FMN2: variants seen among roughly 807,000 people sequenced by gnomAD.
The protein encoded by FMN2 is formin-2.
Under a neutral mutation model 142.3 loss-of-function variants are expected in FMN2, and 51 were observed. The observed-to-expected ratio is 0.36, with a 90% CI of 0.29 to 0.45. The LOEUF (loss-of-function observed/expected upper bound fraction) is 0.45, where lower values mean the gene tolerates loss of function less well. Among genes scored for constraint, FMN2 ranks in the 20% least tolerant of loss-of-function variants. The probability of loss-of-function intolerance (pLI) is 1.00; values close to 1 mark genes in which losing one functional copy is unlikely to be tolerated. For missense variants in FMN2, 1,936 were observed against 2,122.8 expected, an observed-to-expected ratio of 0.91 and a Z score of 1.73; for synonymous variants, 882 against 869.8, an observed-to-expected ratio of 1.01 and a Z score of -0.25.
intron 15 of FMN2, among the ~76,000 whole-genome samples, chr1:240,437,597 G>C (rs754257398): frequency 3.9e-5 from 6 of 152,178 alleles, no homozygotes; most frequent in African/African-American, 1.2e-4. Flanking sequence ...CCACCGCGCC[G>C]GGCTGGGACT....
intron 6 of FMN2, among the ~76,000 whole-genome samples, chr1:240,212,325 T>G (rs541078520): frequency 3.3e-5 from 5 of 152,278 alleles, no homozygotes; most frequent in South Asian, 4.2e-4. Flanking sequence ...CTGTGACCCG[T>G]AGTTGGCTGG....
intron 6 of FMN2, among the ~76,000 whole-genome samples, chr1:240,238,523 C>T (rs558219758): frequency 6.8e-4 from 104 of 152,178 alleles, no homozygotes; most frequent in African/African-American, 2.5e-3. Context: ...TAGGCTCCTG[C>T]GTGACTTATT....
chr1:240,151,727 A>C (rs1663784352), intron 2 of FMN2, among the ~76,000 whole-genome samples: 1 of 151,894 alleles, frequency 6.6e-6, no homozygotes, highest in African/African-American at 2.4e-5. Context: ...GAAGGAGCAG[A>C]ACTCTCTGTG....
At chr1:240,456,666 G>T (rs1196104666) in intron 16 of FMN2, among the ~76,000 whole-genome samples, 2 of 152,172 alleles carry the variant, frequency 1.3e-5, no homozygotes, top group East Asian at 3.9e-4. Context: ...ATGTTGGTCA[G>T]ACTGGTCGCG....
chr1:240,338,902 T>C (rs1671654920), intron 13 of FMN2, among the ~76,000 whole-genome samples: 1 of 151,624 alleles, frequency 6.6e-6, no homozygotes, highest in Non-Finnish European at 1.5e-5. Flanking sequence ...AACTAGAGAG[T>C]CCCATCTGGG....
At chr1:240,124,182 A>G (rs1205864355) in intron 2 of FMN2, among the ~76,000 whole-genome samples, 1 of 152,218 alleles carries the variant, frequency 6.6e-6, no homozygotes, top group Non-Finnish European at 1.5e-5. Context: ...TACCTCTTCA[A>G]GACCCTGTAA....
intron 5 of FMN2, among the ~76,000 whole-genome samples, chr1:240,210,338 AT>A (rs35140498): frequency 7.2e-5 from 11 of 152,102 alleles, no homozygotes; most frequent in Non-Finnish European, 1.5e-4. Context: ...CCTTTGTGTG[AT>A]GTGGCATGCA....
intron 8 of FMN2, among the ~76,000 whole-genome samples, chr1:240,320,809 A>G (rs1670945410): frequency 6.6e-6 from 1 of 152,192 alleles, no homozygotes; most frequent in Admixed American, 6.5e-5. Context: ...TATTTTCCTG[A>G]TACCGCTAAG....
chr1:240,196,317 A>G (rs1665907105), intron 4 of FMN2, among the ~76,000 whole-genome samples: 1 of 152,202 alleles, frequency 6.6e-6, no homozygotes, highest in African/African-American at 2.4e-5. Context: ...CTGATGTGAT[A>G]CAGGAAAAGT....
chr1:240,343,459 G>T (rs1671806827), intron 13 of FMN2, among the ~76,000 whole-genome samples: 1 of 152,122 alleles, frequency 6.6e-6, no homozygotes, highest in Admixed American at 6.6e-5. Flanking sequence ...CCTCCTTTTG[G>T]GGTTCACTGC....
intron 3 of FMN2, among the ~76,000 whole-genome samples, chr1:240,184,928 A>C (rs12142486): frequency 1.2e-5 from 1 of 83,148 alleles, no homozygotes; most frequent in South Asian, 3.4e-4. Context: ...TGTTCCCTTT[A>C]CTTTCTCCCT....
At chr1:240,389,412 A>C (rs1369636651) in intron 14 of FMN2, among the ~76,000 whole-genome samples, 2 of 152,206 alleles carry the variant, frequency 1.3e-5, no homozygotes, top group Non-Finnish European at 2.9e-5. Flanking sequence ...TGTGCTTATA[A>C]CAGTGGTGGT....
At chr1:240,434,555 G>GTTT (rs57596533) in intron 15 of FMN2, among the ~76,000 whole-genome samples, 6,598 of 148,200 alleles carry the variant, frequency 0.045, 200 homozygotes, top group Non-Finnish European at 0.075. Context: ...TTTGTTTTTT[G>GTTT]TTTTTTTTTG....
At position 240,313,381 on chromosome 1, in the gene FMN2, G is replaced by A. The variant is rs899861428; in HGVS notation, c.4216-15695G>A. 2.0e-5 allele frequency among the ~76,000 whole-genome samples: 3 copies of A among 152,142 alleles called. No individual in the cohort carries two copies. The South Asian group carries it at 6.2e-4, about 32-fold the overall frequency. On this transcript the variant is annotated intron_variant, in intron 8 of 17. Coordinates refer to ENST00000319653, the MANE Select transcript of FMN2 (RefSeq NM_020066.5). ...CCTAATGTCTGACACTTAATATAAAGTAGTGCAGTAATGTATAATATTATA... is the reference window on the plus strand; with the variant it reads ...CCTAATGTCTGACACTTAATATAAAATAGTGCAGTAATGTATAATATTATA...
intron 2 of FMN2, among the ~76,000 whole-genome samples, chr1:240,148,381 GAA>G (rs371100176): frequency 0.095 from 14,123 of 148,556 alleles, 872 homozygotes; most frequent in African/African-American, 0.18. Context: ...GAGAGAGAGA[GAA>G]AGACAGAGAG....
chr1:240,248,908 A>G (rs1572114298), intron 6 of FMN2, among the ~76,000 whole-genome samples: 1 of 151,954 alleles, frequency 6.6e-6, no homozygotes, highest in East Asian at 1.9e-4. Context: ...AAAGTGGGCA[A>G]AGGAGATGAA....
rs188057509 is a variant in FMN2, at chr1:240,172,659, G to A, written c.1783-5262G>A. ...CCAAAAGGTGATGAGGTTTGCTTAG[G>A]GGGGAGCAATGAATATATCTTAGGA... On this transcript the variant is annotated intron_variant, in intron 2 of 17. Coordinates refer to ENST00000319653, the MANE Select transcript of FMN2 (RefSeq NM_020066.5). Among the ~76,000 whole-genome samples the A allele has an allele frequency of 2.6e-5, 4 of 152,026 alleles. No homozygotes were observed. In the East Asian group the frequency reaches 5.8e-4, roughly 22 times the overall value.
intron 14 of FMN2, among the ~76,000 whole-genome samples, chr1:240,376,250 T>C (rs1228407281): frequency 6.6e-6 from 1 of 152,112 alleles, no homozygotes; most frequent in Admixed American, 6.5e-5. Context: ...AGCATAAAGT[T>C]GAGTCTTATT....
Position 240,444,867 on chromosome 1 carries a change from T to C in FMN2, c.5060+6657T>C, listed in dbSNP as rs545885293. 5.9e-5 allele frequency among the ~76,000 whole-genome samples: 9 copies of C among 152,340 alleles called. No homozygotes were observed. In the East Asian group the frequency reaches 1.7e-3, roughly 29 times the overall value. Reference sequence around the variant, plus strand: ...TTTTCAAAGAAATTGAAAATACATCTGAAGAATGGAGATAAGGAAAGTTTA... The same window carrying C: ...TTTTCAAAGAAATTGAAAATACATCCGAAGAATGGAGATAAGGAAAGTTTA... On this transcript the variant is annotated intron_variant, in intron 16 of 17. Transcript: ENST00000319653.
Sources: allele counts gnomAD v4.1 joint callset (sites outside exome capture counted in the v4.1 genomes callset), GRCh38; gene constraint gnomAD v4.1.1; transcripts MANE v1.5; gene names NCBI Gene and HGNC (gene_info 2026-07-23, HGNC 2026-07-21).